The following RAD1 variants were observed in gnomAD, a reference collection of about 807,000 sequenced individuals.
The protein encoded by RAD1 is RAD1 checkpoint DNA exonuclease, also known as cell cycle checkpoint protein RAD1.
In RAD1, 21 loss-of-function variants were observed where a neutral mutation model predicts 30.0. That is an observed-to-expected ratio of 0.70 (90% CI 0.50 to 1.01). The LOEUF (loss-of-function observed/expected upper bound fraction) is 1.01, where lower values mean the gene tolerates loss of function less well. RAD1 is among the 50% of genes least tolerant of loss of function. The pLI, the probability that RAD1 is intolerant of heterozygous loss-of-function variation, is 0.00. For missense variants in RAD1, 329 were observed against 329.0 expected (o/e 1.00, Z 0.00); for synonymous variants, 109 against 113.6 (o/e 0.96, Z 0.26).
intron 1 of RAD1, 108 bp from the exon 2 acceptor site, chr5:34,915,069 GC>G (rs1185055021): frequency 8.1e-6 from 5 of 618,392 alleles, no homozygotes; most frequent in Non-Finnish European, 1.4e-5. Context: ...GGCTGACCAG[GC>G]CGAACCCCAC....
chr5:34,914,852 TG>T lies in RAD1; in HGVS notation c.40del (p.Gln14SerfsTer18). ...LTQQIQDEDD[Q>X]YSLVASLDNV... is the part of the protein sequence containing the mutation. ...GTCAAGGCTGGCCACAAGGCTGTAC[TG>T]ATCATCCTCGTCTTGGATCTGTTGG... On this transcript the variant is annotated frameshift_variant, in exon 2 of 6. Transcript: ENST00000382038. LOFTEE classifies it high-confidence loss of function. The T allele has an allele frequency of 6.2e-7, 1 of 1,614,178 alleles. No homozygotes were observed. The highest frequency in any genetic ancestry group is 8.5e-7 in the Non-Finnish European group (1 of 1,180,044).
In RAD1 at chr5:34,908,034, A is replaced by C. The variant is rs866340382; in HGVS notation, c.*731T>G. On this transcript the variant is annotated 3_prime_UTR_variant, in exon 6 of 6. Coordinates refer to ENST00000382038, the MANE Select transcript of RAD1 (RefSeq NM_002853.4). Reference sequence around the variant, plus strand: ...ATTCTGATGTTGGTGCGGGCACAACACTTTGAGAACCACTACTTTAAGATC... The same window carrying C: ...ATTCTGATGTTGGTGCGGGCACAACCCTTTGAGAACCACTACTTTAAGATC... 5 of 152,240 alleles carry C rather than the reference A, an allele frequency of 3.3e-5. No individual in the cohort carries two copies. The allele number at this position is 152,240 out of a possible 1,614,324, so 9.4% of individuals were successfully genotyped here. A position where few individuals can be genotyped will look rare whatever the true frequency, so the allele number is the denominator to read the frequency against.
At position 34,905,344 on chromosome 5, in the gene RAD1, A is replaced by T. The variant is rs1383451429; in HGVS notation, c.*3421T>A. ...CAGGGAAGGAAAGAAGGAAGTCTCT[A>T]TGTTCTGAAGGACTGCCTACCCCAC... On this transcript the variant is annotated 3_prime_UTR_variant, in exon 6 of 6. Coordinates refer to ENST00000382038, the MANE Select transcript of RAD1 (RefSeq NM_002853.4). The T allele has an allele frequency of 6.6e-6, 1 of 152,214 alleles. No homozygotes were observed. The highest frequency in any genetic ancestry group is 1.5e-5 in the Non-Finnish European group (1 of 68,042). 9.4% of individuals were successfully genotyped at this position (152,214 alleles called of 1,614,324 possible).
At chr5:34,915,368 G>GTT (rs1275236983) in intron 1 of RAD1, 48 bp downstream of exon 1, 4 of 245,778 alleles carry the variant, frequency 1.6e-5, no homozygotes, top group Non-Finnish European at 3.2e-5. Context: ...CCGCCCGCGG[G>GTT]ACAGCATCGC....
At chr5:34,912,575 T>C (rs1763879605) in intron 3 of RAD1, among the ~76,000 whole-genome samples, 1 of 152,244 alleles carries the variant, frequency 6.6e-6, no homozygotes, top group East Asian at 1.9e-4. Flanking sequence ...TTTTCCTAGC[T>C]AATCTCCAGG....
rs1020125768 is a variant in RAD1 at position 34,908,102 on chromosome 5, T to C, written c.*663A>G. ...ACTAATAAGCAATGCCCATATGCCT[T>C]TGCTTTTTCTAATAATAAATAAATA... On this transcript the variant is annotated 3_prime_UTR_variant, in exon 6 of 6. Transcript: ENST00000382038. 1.3e-5 allele frequency: 2 copies of C among 152,084 alleles called. No homozygotes were observed. Among genetic ancestry groups the C allele is most frequent in the African/African-American group, 4.8e-5 (2 of 41,426 alleles). 9.4% of individuals were successfully genotyped at this position (152,084 alleles called of 1,614,324 possible). A position where few individuals can be genotyped will look rare whatever the true frequency, so the allele number is the denominator to read the frequency against.
At chr5:34,915,251 T>C (rs905587581) in intron 1 of RAD1, 165 bp downstream of exon 1, 26 of 307,576 alleles carry the variant, frequency 8.5e-5, no homozygotes, top group Admixed American at 4.8e-5. Flanking sequence ...GTCGGTTTTG[T>C]GCAGCCCGCG....
Position 34,911,669 on chromosome 5 carries a change from T to C in RAD1, c.451A>G (p.Asn151Asp), listed in dbSNP as rs370858554. The C allele has an allele frequency of 1.9e-6, 3 of 1,614,062 alleles. No homozygotes were observed. The highest frequency in any genetic ancestry group is 2.5e-6 in the Non-Finnish European group (3 of 1,180,038). ...TGCAGAATAATTTTATTAATAACAT[T>C]GGTGCTGCAGAAATCAAAGTCCAGG... The part of the protein sequence containing the change: ...ETLDFDFCST[N>D]VINKIILQSE... The change falls in exon 4 of 6, where the codon AAT becomes GAT. Residue 151 changes from asparagine (N) to aspartate (D), a missense_variant. By Grantham distance (23) the Asn-to-Asp change is conservative. Coordinates refer to ENST00000382038, the MANE Select transcript of RAD1 (RefSeq NM_002853.4).
chr5:34,914,654 G>C, intron 2 of RAD1, 41 bp downstream of exon 2: 1 of 1,586,974 alleles, frequency 6.3e-7, no homozygotes, highest in Non-Finnish European at 8.7e-7. Context: ...ATTACATTTA[G>C]AGTATCTATG....
At chr5:34,909,012 TA>T in intron 5 of RAD1, 64 bp from the exon 6 acceptor site, 1 of 1,371,890 alleles carries the variant, frequency 7.3e-7, no homozygotes, top group Non-Finnish European at 1.0e-6. Flanking sequence ...AACTCCCAAG[TA>T]AAGGATAAAA....
At chr5:34,909,220 C>CT (rs1338562407) in intron 5 of RAD1, 38 bp downstream of exon 5, 1 of 1,441,716 alleles carries the variant, frequency 6.9e-7, no homozygotes, top group East Asian at 2.3e-5. Flanking sequence ...TTAACCTCCT[C>CT]TTTATCACCA....
Position 34,909,295 on chromosome 5 carries a change from T to C in RAD1, c.628A>G (p.Met210Val). The change falls in exon 5 of 6, where the codon ATG becomes GTG. Residue 210 changes from methionine (M) to valine (V), a missense_variant. Coordinates refer to ENST00000382038, the MANE Select transcript of RAD1 (RefSeq NM_002853.4). ...GTCTGATTACAATGAAATGCTTCCA[T>C]CAAATCAGAATCTTTGGGATAGTCA... ...HLDYPKDSDL[M>V]EAFHCNQTQV... The C allele has an allele frequency of 1.2e-6, 2 of 1,611,552 alleles. No homozygotes were observed. The highest frequency in any genetic ancestry group is 1.7e-6 in the Non-Finnish European group (2 of 1,178,054).
intron 1 of RAD1, 81 bp downstream of exon 1, chr5:34,915,335 C>T (rs1764025751): frequency 4.1e-6 from 1 of 243,742 alleles, no homozygotes; most frequent in Non-Finnish European, 8.0e-6. Flanking sequence ...CTCCAAGAGT[C>T]CCAGACAACC....
chr5:34,909,272 C>G lies in RAD1; in HGVS notation c.651G>C (p.Gln217His). Residue 217 changes from glutamine (Q) to histidine (H), a missense_variant, in exon 5 of 6, where the codon CAG becomes CAC. By Grantham distance (24) the Gln-to-His change is conservative. Transcript: ENST00000382038. ...TAAGAACTGACCTGTTGACTTGGGT[C>G]TGATTACAATGAAATGCTTCCATCA... ...SDLMEAFHCN[Q>H]TQVNRYKISL... is the part of the protein sequence containing the mutation. The G allele has an allele frequency of 6.2e-7, 1 of 1,608,156 alleles. No homozygotes were observed. The highest frequency in any genetic ancestry group is 1.1e-5 in the South Asian group (1 of 90,720).
intron 1 of RAD1, 104 bp from the exon 2 acceptor site, chr5:34,915,065 C>T: frequency 1.6e-6 from 1 of 621,508 alleles, no homozygotes; most frequent in Non-Finnish European, 2.8e-6. Context: ...ACACGGCTGA[C>T]CAGGCCGAAC....
intron 5 of RAD1, 101 bp downstream of exon 5, chr5:34,909,157 G>A: frequency 1.0e-6 from 1 of 997,600 alleles, no homozygotes; most frequent in Non-Finnish European, 1.5e-6. Flanking sequence ...ATAAAATGCT[G>A]TGCATTTTAA....
Position 34,907,835 on chromosome 5 carries a change from A to C in RAD1, c.*930T>G, listed in dbSNP as rs1268636872. 1 of 152,238 alleles carries C rather than the reference A, an allele frequency of 6.6e-6. No individual in the cohort carries two copies. Among genetic ancestry groups the C allele is most frequent in the Non-Finnish European group, 1.5e-5 (1 of 68,054 alleles). The allele number at this position is 152,238 out of a possible 1,614,324, so 9.4% of individuals were successfully genotyped here. A position where few individuals can be genotyped will look rare whatever the true frequency, so the allele number is the denominator to read the frequency against. Reference sequence around the variant, plus strand: ...CCTCAACTTCAGAACATTTGCAAGGAAATCACATGTAAAAGCAATCATCTC... The same window carrying C: ...CCTCAACTTCAGAACATTTGCAAGGCAATCACATGTAAAAGCAATCATCTC... On this transcript the variant is annotated 3_prime_UTR_variant, in exon 6 of 6. Coordinates refer to ENST00000382038, the MANE Select transcript of RAD1 (RefSeq NM_002853.4).
chr5:34,911,752 AG>A lies in RAD1; in HGVS notation c.367del (p.Leu123TrpfsTer7), dbSNP rs1373485148. The A allele has an allele frequency of 2.5e-6, 4 of 1,614,060 alleles. No individual in the cohort carries two copies. The highest frequency in any genetic ancestry group is 2.5e-6 in the Non-Finnish European group (3 of 1,180,022). On this transcript the variant is annotated frameshift_variant, in exon 4 of 6. Coordinates refer to ENST00000382038, the MANE Select transcript of RAD1 (RefSeq NM_002853.4). LOFTEE classifies it high-confidence loss of function. Reference sequence around the variant, plus strand: ...GACTGTCACCACTCCTCCTTCTTCCAGGAACAGCATCAAAGGGTAACCATAA... The same window carrying A: ...GACTGTCACCACTCCTCCTTCTTCCAGAACAGCATCAAAGGGTAACCATAA... ...QGYGYPLMLF[L>X]EEGGVVTVCK...
At chr5:34,913,424 C>A (rs1227651178) in intron 3 of RAD1, 46 bp downstream of exon 3, 6 of 1,132,290 alleles carry the variant, frequency 5.3e-6, no homozygotes, top group South Asian at 3.7e-5. Context: ...ATTTTTCTGA[C>A]CACTATGTAT....
Sources: gnomAD v4.1 joint callset for allele counts (sites outside exome capture counted in the v4.1 genomes callset) on GRCh38, gnomAD v4.1.1 for gene constraint, MANE v1.5 for transcripts, NCBI Gene and HGNC (gene_info 2026-07-23, HGNC 2026-07-21) for gene names.